The following UBR1 variants were observed in gnomAD, a reference collection of about 807,000 sequenced individuals.
UBR1 encodes ubiquitin protein ligase E3 component n-recognin 1, also known as E3 ubiquitin-protein ligase UBR1.
A neutral mutation model predicts 242.1 loss-of-function variants in UBR1; 102 were observed. The observed-to-expected ratio is 0.42, with a 90% CI of 0.36 to 0.50. The LOEUF (loss-of-function observed/expected upper bound fraction) is 0.50, where lower values mean the gene tolerates loss of function less well. UBR1 is among the 20% of genes least tolerant of loss of function. The pLI is 0.01. For synonymous variants in UBR1, 675 were observed against 684.8 expected (o/e 0.99, Z 0.22); for missense variants, 1,772 against 2,101.8 (o/e 0.84, Z 3.07).
chr15:43,065,370 C>T (rs1054438469), intron 6 of UBR1, among the ~76,000 whole-genome samples: 2 of 151,548 alleles, frequency 1.3e-5, no homozygotes, highest in Admixed American at 6.6e-5. Flanking sequence ...CTTTTTTTCT[C>T]CAACTTTTAA....
intron 3 of UBR1, among the ~76,000 whole-genome samples, chr15:43,079,199 G>A (rs1346628331): frequency 6.6e-6 from 1 of 152,142 alleles, no homozygotes; most frequent in Non-Finnish European, 1.5e-5. Flanking sequence ...AGGCACAGTG[G>A]CTCATGCCTG....
Position 42,954,860 on chromosome 15 carries a change from C to T in UBR1, c.4836-2412G>A, listed in dbSNP as rs933998206. ...TTGGGATTACAGGCATAATCCACCG[C>T]ACCTGGCCTCAAAATAACCTTAAAC... On this transcript the variant is annotated intron_variant, in intron 44 of 46. Transcript: ENST00000290650. 2.6e-5 allele frequency among the ~76,000 whole-genome samples: 4 copies of T among 152,188 alleles called. No homozygotes were observed. In the South Asian group the frequency reaches 6.2e-4, roughly 24 times the overall value.
chr15:43,043,117 C>T, intron 15 of UBR1, 98 bp downstream of exon 15: 1 of 1,355,892 alleles, frequency 7.4e-7, no homozygotes, highest in East Asian at 2.4e-5. Context: ...CATGTCTGTA[C>T]ATATTGAGCA....
chr15:43,056,519 G>C (rs1028619982), intron 10 of UBR1, 77 bp from the exon 11 acceptor site: 1 of 971,962 alleles, frequency 1.0e-6, no homozygotes, highest in East Asian at 2.5e-5. Flanking sequence ...AATAACTGCT[G>C]CAGGTTTGTT....
intron 41 of UBR1, among the ~76,000 whole-genome samples, chr15:42,964,932 A>G (rs1304751924): frequency 6.6e-6 from 1 of 152,228 alleles, no homozygotes; most frequent in Non-Finnish European, 1.5e-5. Context: ...GAACTGCTTC[A>G]TTCTGCCTTG....
Position 43,027,789 on chromosome 15 carries a change from CTTTG to C in UBR1, c.2415_2418del (p.Asn805LysfsTer18). 2 of 1,612,726 alleles carry C rather than the reference CTTTG, an allele frequency of 1.2e-6. No individual in the cohort carries two copies. The highest frequency in any genetic ancestry group is 1.7e-6 in the Non-Finnish European group (2 of 1,179,370). ...TTAAGCACTTACTTAAATGTGGCCA[CTTTG>C]TTTATGACATTCTCTAAGCCAGTTT... On this transcript the variant is annotated frameshift_variant, in exon 22 of 47. Transcript: ENST00000290650. LOFTEE classifies it high-confidence loss of function.
chr15:42,966,325 T>C (rs2032105419), intron 40 of UBR1, 39 bp from the exon 41 acceptor site: 2 of 1,612,864 alleles, frequency 1.2e-6, no homozygotes, highest in Non-Finnish European at 1.7e-6. Flanking sequence ...AGAATACATA[T>C]CAGACTAAAG....
intron 40 of UBR1, among the ~76,000 whole-genome samples, chr15:42,966,637 C>T (rs906228682): frequency 1.3e-5 from 2 of 149,832 alleles, no homozygotes; most frequent in Admixed American, 6.6e-5. Context: ...GAAACTGTGC[C>T]ACTGTACTTT....
intron 1 of UBR1, among the ~76,000 whole-genome samples, chr15:43,097,050 T>C (rs2034170391): frequency 6.6e-6 from 1 of 152,112 alleles, no homozygotes; most frequent in South Asian, 2.1e-4. Context: ...AAGCTATAGT[T>C]TTATGAAATG....
intron 12 of UBR1, among the ~76,000 whole-genome samples, chr15:43,053,299 T>A (rs998401916): frequency 5.3e-5 from 8 of 152,196 alleles, no homozygotes; most frequent in Non-Finnish European, 2.9e-5. Context: ...AGTCAGAGAC[T>A]CATAAAATAT....
rs190665028 is a variant in UBR1 at position 43,049,218 on chromosome 15, G to A, written c.1440-727C>T. Among the ~76,000 whole-genome samples, 735 of 152,286 alleles carry A rather than the reference G, an allele frequency of 4.8e-3. 3 individuals are homozygous for A. The highest frequency in any genetic ancestry group is 0.021 in the Middle Eastern group (6 of 292). The stretch of plus-strand genomic sequence containing the variant: ...CACCTGTCCTGAAGTTCATAGTATA[G>A]TGGGAAAAACAGATACACACAGTAG... On this transcript the variant is annotated intron_variant, in intron 12 of 46. Coordinates refer to ENST00000290650, the MANE Select transcript of UBR1 (RefSeq NM_174916.3).
intron 44 of UBR1, among the ~76,000 whole-genome samples, chr15:42,953,097 C>G (rs990677038): frequency 6.6e-5 from 10 of 152,024 alleles, no homozygotes; most frequent in African/African-American, 2.4e-4. Context: ...GTTGGCCCAG[C>G]CTTCCATCTG....
intron 29 of UBR1, among the ~76,000 whole-genome samples, chr15:43,013,262 G>A (rs2032953800): frequency 6.6e-6 from 1 of 152,124 alleles, no homozygotes; most frequent in Non-Finnish European, 1.5e-5. Flanking sequence ...GGGCCAAAGT[G>A]GGTACTTTCA....
In UBR1 at chr15:42,984,926, A is replaced by G. The variant is rs778079900; in HGVS notation, c.4014T>C (p.Asp1338=). 3.4e-5 allele frequency: 54 copies of G among 1,610,534 alleles called. 2 individuals are homozygous for G. In the South Asian group the frequency reaches 5.9e-4, roughly 17 times the overall value. The change falls in exon 36 of 47, where the codon GAT becomes GAC. Residue 1338 remains aspartate (D), a synonymous_variant. Coordinates refer to ENST00000290650, the MANE Select transcript of UBR1 (RefSeq NM_174916.3). ...TIQAIENLLG[D]EGKPLFGALQ... ...GTGCTCCAAACAGAGGTTTTCCTTC[A>G]TCTCCCAATAGATTTTCTCAAAGAA... is the stretch of plus-strand genomic sequence containing the variant.
chr15:42,949,221 T>C (rs1394681225), intron 46 of UBR1, among the ~76,000 whole-genome samples: 7 of 137,880 alleles, frequency 5.1e-5, no homozygotes, highest in East Asian at 2.1e-4. Context: ...TAGGTGGGAA[T>C]TGAACAATGA....
intron 3 of UBR1, among the ~76,000 whole-genome samples, chr15:43,076,250 G>A (rs1476538967): frequency 6.6e-6 from 1 of 151,492 alleles, no homozygotes; most frequent in Admixed American, 6.6e-5. Flanking sequence ...CCGAGGCGCC[G>A]GGATTGCAGA....
chr15:43,032,604 T>C lies in UBR1; in HGVS notation c.2218A>G (p.Ile740Val). 6.5e-7 allele frequency: 1 copy of C among 1,539,094 alleles called. No individual in the cohort carries two copies. Among genetic ancestry groups the C allele is most frequent in the Non-Finnish European group, 8.9e-7 (1 of 1,117,442 alleles). Reference protein sequence around the residue: ...QDLIKQYNTLIEEMLQVLIYI... With the variant: ...QDLIKQYNTLVEEMLQVLIYI... The stretch of plus-strand genomic sequence containing the variant: ...ATGAGGACCTGAAGCATTTCTTCTA[T>C]TAGTGTATTATATTGTTTAATCAAA... Residue 740 changes from isoleucine (I) to valine (V), a missense_variant, in exon 20 of 47, where the codon ATA (isoleucine) becomes GTA (valine). Physicochemically the swap from Ile to Val is conservative, Grantham distance 29. Coordinates refer to ENST00000290650, the MANE Select transcript of UBR1 (RefSeq NM_174916.3).
intron 28 of UBR1, among the ~76,000 whole-genome samples, chr15:43,016,311 AATTTTCTATTCAAATTTAC>A (rs1179910450): frequency 1.3e-5 from 2 of 152,188 alleles, no homozygotes; most frequent in African/African-American, 4.8e-5. Flanking sequence ...GGTGCATGTT[AATTTTCTATTCAAATTTAC>A]ATCGTGTGTT....
rs183112122 is a variant in UBR1, at chr15:43,064,863, C to T, written c.798+3035G>A. Reference sequence around the variant, plus strand: ...GGAATTACAGGCATGAGCCACCACACCCGGCCCTATCTTACATCTTTATCA... The same window carrying T: ...GGAATTACAGGCATGAGCCACCACATCCGGCCCTATCTTACATCTTTATCA... On this transcript the variant is annotated intron_variant, in intron 6 of 46. Coordinates refer to ENST00000290650, the MANE Select transcript of UBR1 (RefSeq NM_174916.3). 1.1e-3 allele frequency among the ~76,000 whole-genome samples: 165 copies of T among 152,308 alleles called. 1 individual carries two copies. The highest frequency in any genetic ancestry group is 0.01 in the Middle Eastern group (3 of 294).
Sources: gnomAD v4.1 joint callset for allele counts (sites outside exome capture counted in the v4.1 genomes callset) on GRCh38, gnomAD v4.1.1 for gene constraint, MANE v1.5 for transcripts, NCBI Gene and HGNC (gene_info 2026-07-23, HGNC 2026-07-21) for gene names.